POMGNT1: variants seen among roughly 807,000 people sequenced by gnomAD.
POMGNT1 encodes the protein protein O-linked-mannose beta-1,2-N-acetylglucosaminyltransferase 1.
POMGNT1 carries 67 observed loss-of-function variants against 95.6 expected under a neutral mutation model. The observed-to-expected ratio is 0.70, with a 90% CI of 0.58 to 0.86. The LOEUF (loss-of-function observed/expected upper bound fraction) is 0.86. POMGNT1 is among the 40% of genes least tolerant of loss of function. The pLI, the probability that POMGNT1 is intolerant of heterozygous loss-of-function variation, is 0.00. For synonymous variants in POMGNT1, 298 were observed against 317.9 expected, an observed-to-expected ratio of 0.94 and a Z score of 0.66; for missense variants, 719 against 855.2, an observed-to-expected ratio of 0.84 and a Z score of 1.99.
At chr1:46,205,510 G>C (rs1658683949) in intron 1 of POMGNT1, among the ~76,000 whole-genome samples, 1 of 152,212 alleles carries the variant, frequency 6.6e-6, no homozygotes, top group African/African-American at 2.4e-5. Flanking sequence ...CCATCTTACA[G>C]ATAAAACGTG....
chr1:46,218,745 A>T (rs1381340936), intron 1 of POMGNT1, among the ~76,000 whole-genome samples: 1 of 152,114 alleles, frequency 6.6e-6, no homozygotes, highest in Non-Finnish European at 1.5e-5. Flanking sequence ...TACTTCCAGT[A>T]CAGACAGGTA....
intron 1 of POMGNT1, among the ~76,000 whole-genome samples, chr1:46,215,843 A>G (rs10047256): frequency 0.059 from 8,984 of 152,054 alleles, 484 homozygotes; most frequent in African/African-American, 0.14. Context: ...GCTGTAGTCA[A>G]CCATGATTGT....
At chr1:46,192,636 T>C in intron 14 of POMGNT1, 46 bp from the exon 15 acceptor site, 2 of 1,610,256 alleles carry the variant, frequency 1.2e-6, no homozygotes, top group Non-Finnish European at 1.7e-6. Context: ...CAAGGATAAA[T>C]CTAGTCACAC....
upstream of POMGNT1, among the ~76,000 whole-genome samples, chr1:46,202,920 G>GGTGTGTGTGTGTGTGTGTGTGTGT (rs10689850): frequency 9.3e-5 from 6 of 64,516 alleles, no homozygotes; most frequent in African/African-American, 3.3e-4. Context: ...GGGGGGGGGT[G>GGTGTGTGTGTGTGTGTGTGTGTGT]GTGTGTGTGT....
chr1:46,209,699 C>T (rs938303073), intron 1 of POMGNT1, among the ~76,000 whole-genome samples: 16 of 151,066 alleles, frequency 1.1e-4, no homozygotes, highest in Admixed American at 2.6e-4. Flanking sequence ...TTAGTAGAGA[C>T]GGGGTTTTGC....
At position 46,197,826 on chromosome 1, in the gene POMGNT1, G is replaced by A; in HGVS notation, c.-5C>T. ...GCTGGGCTTCCAGTCGTCCATACCG[G>A]ATTGGCGGGTCACCAATGTCCTGGC... On this transcript the variant is annotated 5_prime_UTR_variant, in exon 2 of 22. Transcript: ENST00000371984. 6.2e-7 allele frequency: 1 copy of A among 1,613,952 alleles called. No homozygotes were observed. The highest frequency in any genetic ancestry group is 8.5e-7 in the Non-Finnish European group (1 of 1,180,022).
chr1:46,193,236 G>A, intron 12 of POMGNT1, 21 bp from the exon 13 acceptor site: 1 of 1,614,150 alleles, frequency 6.2e-7, no homozygotes, highest in Non-Finnish European at 8.5e-7. Context: ...GGTGGGAATA[G>A]GGCACATGAG....
Position 46,189,881 on chromosome 1 carries a change from G to A in POMGNT1, c.1758C>T (p.Asp586=), listed in dbSNP as rs376138855. 1.3e-5 allele frequency: 21 copies of A among 1,613,846 alleles called. No homozygotes were observed. In the East Asian group the frequency reaches 3.6e-4, roughly 27 times the overall value. Residue 586 remains aspartate (D), a synonymous_variant, in exon 20 of 22, where the codon GAC becomes GAT. Coordinates refer to ENST00000371984, the MANE Select transcript of POMGNT1 (RefSeq NM_017739.4). ...VAFIRMEKDD[D]FTTWTQLAKC... ...TGGCAAGCTGGGTCCAGGTGGTGAAGTCATCATCTTTCTCCATTCGAATAA... is the reference window on the plus strand; with the variant it reads ...TGGCAAGCTGGGTCCAGGTGGTGAAATCATCATCTTTCTCCATTCGAATAA...
rs772014671 is a variant in POMGNT1 at position 46,192,234 on chromosome 1, T to C, written c.1414-11A>G. 2 of 1,614,198 alleles carry C rather than the reference T, an allele frequency of 1.2e-6. No homozygotes were observed. Among genetic ancestry groups the C allele is most frequent in the Non-Finnish European group, 8.5e-7 (1 of 1,180,036 alleles). Reference sequence around the variant, plus strand: ...GTCCCAATCCCAGAGCTGGCAGACATGGACCACGATGAAGGTTAAGATGTT... The same window carrying C: ...GTCCCAATCCCAGAGCTGGCAGACACGGACCACGATGAAGGTTAAGATGTT... On this transcript the variant is annotated splice_polypyrimidine_tract_variant and intron_variant, in intron 16 of 21. Coordinates refer to ENST00000371984, the MANE Select transcript of POMGNT1 (RefSeq NM_017739.4).
rs770393955 is a variant in POMGNT1, at chr1:46,190,422, C to G, written c.1649+51G>C. ...CTGTAAATTATGGGGCCAAGATCCC[C>G]AGTATTTGACTCTTTGCTCCCTGCT... On this transcript the variant is annotated intron_variant, in intron 19 of 21. Coordinates refer to ENST00000371984, the MANE Select transcript of POMGNT1 (RefSeq NM_017739.4). 5.2e-6 allele frequency: 8 copies of G among 1,528,492 alleles called. No homozygotes were observed. The East Asian group carries it at 1.8e-4, about 34-fold the overall frequency. 94.7% of individuals were successfully genotyped at this position (1,528,492 alleles called of 1,614,324 possible).
intron 6 of POMGNT1, 80 bp from the exon 7 acceptor site, chr1:46,195,041 A>C (rs1345062436): frequency 8.0e-7 from 1 of 1,247,980 alleles, no homozygotes; most frequent in Non-Finnish European, 1.2e-6. Flanking sequence ...ACTATGTAGC[A>C]ACCTTTTACT....
In POMGNT1 at chr1:46,189,204, T is replaced by C; in HGVS notation, c.*66A>G. On this transcript the variant is annotated 3_prime_UTR_variant, in exon 22 of 22. Transcript: ENST00000371984. ...CCAGCATCTACAAAATCCTACAGGATGGAGGGAAGGGCTAGCCAGCCTGGG... is the reference window on the plus strand; with the variant it reads ...CCAGCATCTACAAAATCCTACAGGACGGAGGGAAGGGCTAGCCAGCCTGGG... The C allele has an allele frequency of 6.4e-7, 1 of 1,562,050 alleles. No individual in the cohort carries two copies. The highest frequency in any genetic ancestry group is 8.6e-7 in the Non-Finnish European group (1 of 1,159,286).
chr1:46,201,137 A>T (rs1224829443), upstream of POMGNT1, among the ~76,000 whole-genome samples: 1 of 152,132 alleles, frequency 6.6e-6, no homozygotes, highest in African/African-American at 2.4e-5. Flanking sequence ...TCTCAAAAAA[A>T]AAAGACAAAT....
rs1244997506 is a variant in POMGNT1, at chr1:46,196,164, T to A, written c.355-87A>T. 6.2e-7 allele frequency: 1 copy of A among 1,601,484 alleles called. No homozygotes were observed. Among genetic ancestry groups the A allele is most frequent in the African/African-American group, 1.3e-5 (1 of 74,706 alleles). On this transcript the variant is annotated intron_variant, in intron 4 of 21. Coordinates refer to ENST00000371984, the MANE Select transcript of POMGNT1 (RefSeq NM_017739.4). The surrounding 1 kb of genome is among the most constrained non-coding windows in gnomAD (Gnocchi z 4.4). The stretch of plus-strand genomic sequence containing the variant: ...AGGGGTACTTAAAACACCAGCTGCT[T>A]GAAACATCACCTCCTGCCTATGTTT...
chr1:46,191,485 C>A, intron 17 of POMGNT1: 1 of 184,810 alleles, frequency 5.4e-6, no homozygotes, highest in Non-Finnish European at 1.1e-5. Flanking sequence ...GGCAGAAATA[C>A]TCTCCCCAGA....
At chr1:46,192,262 G>A (rs763249279) in intron 16 of POMGNT1, 39 bp from the exon 17 acceptor site, 13 of 1,614,144 alleles carry the variant, frequency 8.1e-6, no homozygotes, top group East Asian at 6.7e-5. Flanking sequence ...AAGATGTTTC[G>A]AGTTGGTAGG....
chr1:46,197,297 G>A (rs1441991000), intron 2 of POMGNT1: 1 of 1,498,376 alleles, frequency 6.7e-7, no homozygotes, highest in Non-Finnish European at 8.9e-7. Context: ...CTCCATTAGG[G>A]CCCTCCCTAC....
rs1238403887 is a variant in POMGNT1, at chr1:46,196,835, G to A, written c.250C>T (p.Arg84Cys). The change falls in exon 4 of 22, where the codon CGC becomes TGC. Residue 84 changes from arginine to cysteine, a missense_variant. This residue lies in a region of POMGNT1 where 466 missense variants were observed against 517.4 expected (regional missense o/e 0.90). Coordinates refer to ENST00000371984, the MANE Select transcript of POMGNT1 (RefSeq NM_017739.4). This position sits in a 1 kb window ranked among gnomAD's most constrained non-coding sequence, Gnocchi z 4.4. ...PEQDYDEALG[R>C]LEPPRRRGSG... ...CCTCTGCGCCGTGGGGGCTCCAGGC[G>A]GCCTAGGGCCTCATCTGTGGGGTAC... 36 of 1,614,034 alleles carry A rather than the reference G, an allele frequency of 2.2e-5. No homozygotes were observed. The highest frequency in any genetic ancestry group is 1.6e-4 in the Middle Eastern group (1 of 6,084).
intron 7 of POMGNT1, 62 bp downstream of exon 7, chr1:46,194,782 C>T: frequency 6.2e-7 from 1 of 1,613,500 alleles, no homozygotes. Flanking sequence ...ACCCCATCTC[C>T]TAGGGTTCTG....
Sources: allele counts gnomAD v4.1 joint callset (sites outside exome capture counted in the v4.1 genomes callset), GRCh38; gene constraint gnomAD v4.1.1; regional missense constraint gnomAD v4.1.1; non-coding constraint Gnocchi (gnomAD v3.1); transcripts MANE v1.5; gene names NCBI Gene and HGNC (gene_info 2026-07-23, HGNC 2026-07-21).